AK5: variants seen among roughly 807,000 people sequenced by gnomAD.
The protein encoded by AK5 is adenylate kinase isoenzyme 5.
In AK5, 27 loss-of-function variants were observed where a neutral mutation model predicts 69.5. That is an observed-to-expected ratio of 0.39 (90% CI 0.29 to 0.54). The LOEUF (loss-of-function observed/expected upper bound fraction) is 0.54, where lower values mean the gene tolerates loss of function less well. Ranked by LOEUF, AK5 falls within the 20% of genes least tolerant of loss-of-function variation. The pLI, the probability that AK5 is intolerant of heterozygous loss-of-function variation, is 0.71. For missense variants in AK5, 531 were observed against 700.4 expected (o/e 0.76, Z 2.73); for synonymous variants, 260 against 244.4 (o/e 1.06, Z -0.60).
intron 6 of AK5, among the ~76,000 whole-genome samples, chr1:77,405,593 C>T (rs1467694306): frequency 8.0e-6 from 1 of 125,594 alleles, no homozygotes; most frequent in African/African-American, 3.5e-5. Flanking sequence ...GGTGCTGGCT[C>T]TTTCAGCACT....
chr1:77,521,290 T>C (rs115218015), intron 11 of AK5, among the ~76,000 whole-genome samples: 208 of 152,196 alleles, frequency 1.4e-3, no homozygotes, highest in African/African-American at 4.6e-3. Context: ...CCCACGGCAA[T>C]GCCCGGCCAA....
At chr1:77,538,176 A>C (rs1659070305) in intron 13 of AK5, among the ~76,000 whole-genome samples, 1 of 152,016 alleles carries the variant, frequency 6.6e-6, no homozygotes, top group Non-Finnish European at 1.5e-5. Context: ...CTGTCTCTCC[A>C]AAAAATGCAA....
At chr1:77,317,270 T>C (rs1660293268) in intron 5 of AK5, among the ~76,000 whole-genome samples, 1 of 152,162 alleles carries the variant, frequency 6.6e-6, no homozygotes, top group African/African-American at 2.4e-5. Flanking sequence ...CTCAGGGCTC[T>C]AAAGGCATTA....
intron 8 of AK5, among the ~76,000 whole-genome samples, chr1:77,440,495 T>C (rs1652256534): frequency 6.6e-6 from 1 of 152,202 alleles, no homozygotes; most frequent in Non-Finnish European, 1.5e-5. Flanking sequence ...TTGAGCTTCC[T>C]GGATTTGAAT....
At position 77,293,911 on chromosome 1, in the gene AK5, T is replaced by C. The variant is rs553176458; in HGVS notation, c.366T>C (p.Tyr122=). 1 of 1,613,562 alleles carries C rather than the reference T, an allele frequency of 6.2e-7. No individual in the cohort carries two copies. Among genetic ancestry groups the C allele is most frequent in the African/African-American group, 1.3e-5 (1 of 74,902 alleles). The change falls in exon 3 of 14, where the codon TAT becomes TAC. Residue 122 remains tyrosine (Y), a synonymous_variant. Coordinates refer to ENST00000354567, the MANE Select transcript of AK5 (RefSeq NM_174858.3). ...AGACTGCAGAGTTGATTGAGGAGTA[T>C]GAGGTTTTTGATCCTACCAGACCTC... ...LSETAELIEE[Y]EVFDPTRPRP...
intron 8 of AK5, among the ~76,000 whole-genome samples, chr1:77,431,099 G>T (rs1321564368): frequency 6.6e-6 from 1 of 152,116 alleles, no homozygotes; most frequent in African/African-American, 2.4e-5. Flanking sequence ...TTAATGGTGG[G>T]AAGTCAAAGA....
chr1:77,391,469 A>ATATGTGTGTG (rs1407254413), intron 6 of AK5, among the ~76,000 whole-genome samples: 2 of 67,566 alleles, frequency 3.0e-5, no homozygotes, highest in African/African-American at 9.5e-5. Context: ...ATATATACAC[A>ATATGTGTGTG]TATGTGTGTG....
intron 13 of AK5, among the ~76,000 whole-genome samples, chr1:77,538,868 A>C (rs1051407768): frequency 6.6e-6 from 1 of 152,182 alleles, no homozygotes; most frequent in Non-Finnish European, 1.5e-5. Flanking sequence ...GATTTCTGGA[A>C]TCTTCCTTAG....
chr1:77,425,250 C>T (rs1651120187), intron 8 of AK5, among the ~76,000 whole-genome samples: 1 of 152,080 alleles, frequency 6.6e-6, no homozygotes, highest in Admixed American at 6.5e-5. Flanking sequence ...GCCAGCAGAC[C>T]TGCCTGGCAA....
chr1:77,547,552 A>C (rs1659607253), intron 13 of AK5, among the ~76,000 whole-genome samples: 1 of 152,178 alleles, frequency 6.6e-6, no homozygotes, highest in Non-Finnish European at 1.5e-5. Context: ...GATTACAGAC[A>C]TGAGCCACTG....
At chr1:77,441,519 T>C (rs1320476095) in intron 8 of AK5, among the ~76,000 whole-genome samples, 1 of 152,206 alleles carries the variant, frequency 6.6e-6, no homozygotes, top group African/African-American at 2.4e-5. Context: ...TGTTTCCAAG[T>C]AGGTGCCATT....
intron 6 of AK5, among the ~76,000 whole-genome samples, chr1:77,388,877 C>T (rs1648230793): frequency 6.6e-6 from 1 of 152,102 alleles, no homozygotes; most frequent in African/African-American, 2.4e-5. Flanking sequence ...AATGGACAGT[C>T]TGAATCACAG....
intron 6 of AK5, among the ~76,000 whole-genome samples, chr1:77,397,398 A>G (rs888439277): frequency 6.6e-6 from 1 of 152,120 alleles, no homozygotes; most frequent in African/African-American, 2.4e-5. Context: ...GAGGGCAGAG[A>G]CGTTGCCGTG....
intron 13 of AK5, among the ~76,000 whole-genome samples, chr1:77,540,242 ACTT>A (rs1049493925): frequency 3.9e-5 from 6 of 152,232 alleles, no homozygotes; most frequent in Non-Finnish European, 8.8e-5. Flanking sequence ...TAAAGTTAGA[ACTT>A]CTTGTAACGT....
At chr1:77,477,121 A>G (rs924817465) in intron 8 of AK5, among the ~76,000 whole-genome samples, 6 of 151,792 alleles carry the variant, frequency 4.0e-5, no homozygotes, top group Non-Finnish European at 7.4e-5. Context: ...TCAACCTCCT[A>G]GGCCCAAGCC....
At chr1:77,408,786 G>A (rs1649830426) in intron 6 of AK5, among the ~76,000 whole-genome samples, 1 of 151,730 alleles carries the variant, frequency 6.6e-6, no homozygotes, top group Admixed American at 6.6e-5. Context: ...TTTGGTTTGG[G>A]GGCACATGTA....
At chr1:77,340,671 CT>C in intron 6 of AK5, 103 bp downstream of exon 6, 5 of 1,073,838 alleles carry the variant, frequency 4.7e-6, no homozygotes, top group Non-Finnish European at 5.3e-6. Context: ...TAAAAAGTGG[CT>C]TTTGGGGGGT....
chr1:77,388,279 G>A (rs951182432), intron 6 of AK5, among the ~76,000 whole-genome samples: 1 of 152,136 alleles, frequency 6.6e-6, no homozygotes, highest in African/African-American at 2.4e-5. Flanking sequence ...GTAGTGACAT[G>A]CATATTTTAT....
intron 3 of AK5, among the ~76,000 whole-genome samples, chr1:77,295,398 T>C (rs1658937639): frequency 6.6e-6 from 1 of 152,236 alleles, no homozygotes; most frequent in Non-Finnish European, 1.5e-5. Context: ...TGTAAATATA[T>C]CTACCTTGAA....
Sources: allele counts gnomAD v4.1 joint callset (sites outside exome capture counted in the v4.1 genomes callset), GRCh38; gene constraint gnomAD v4.1.1; transcripts MANE v1.5; gene names NCBI Gene and HGNC (gene_info 2026-07-23, HGNC 2026-07-21).